SLC25A30: variants seen among roughly 807,000 people sequenced by gnomAD.
SLC25A30 encodes kidney mitochondrial carrier protein 1.
Under a neutral mutation model 42.7 loss-of-function variants are expected in SLC25A30, and 29 were observed. That is an observed-to-expected ratio of 0.68 (90% CI 0.51 to 0.93). The LOEUF (loss-of-function observed/expected upper bound fraction) is 0.93. Among genes scored for constraint, SLC25A30 ranks in the 40% least tolerant of loss-of-function variants. The probability of loss-of-function intolerance (pLI) is 0.00; values close to 1 mark genes in which losing one functional copy is unlikely to be tolerated. For missense variants in SLC25A30, 300 were observed against 359.7 expected (o/e 0.83, Z 1.34); for synonymous variants, 124 against 131.0 (o/e 0.95, Z 0.37).
At chr13:45,423,139 A>T (rs918541017), upstream of SLC25A30, among the ~76,000 whole-genome samples, 1 of 152,064 alleles carries the variant, frequency 6.6e-6, no homozygotes, top group African/African-American at 2.4e-5. Context: ...GTCCCCAATA[A>T]ATATAAGCAC....
At chr13:45,429,446 A>G in the SLC25A30 span, among the ~76,000 whole-genome samples, 2 of 152,072 alleles carry the variant, frequency 1.3e-5, no homozygotes, top group Admixed American at 1.3e-4. Flanking sequence ...CTTCCCCAGA[A>G]CTAAGGAAGA....
At chr13:45,406,546 T>C (rs888231025) in intron 3 of SLC25A30, among the ~76,000 whole-genome samples, 1 of 152,146 alleles carries the variant, frequency 6.6e-6, no homozygotes, top group South Asian at 2.1e-4. Context: ...CTCCATCCGA[T>C]ATGCCTGTCC....
the SLC25A30 span, among the ~76,000 whole-genome samples, chr13:45,432,962 G>A: frequency 1.3e-5 from 2 of 150,342 alleles, no homozygotes; most frequent in African/African-American, 2.4e-5. Context: ...ACCTGAACCC[G>A]GGAAGGTTGA....
the SLC25A30 span, among the ~76,000 whole-genome samples, chr13:45,433,000 G>T: frequency 7.1e-6 from 1 of 140,848 alleles, no homozygotes; most frequent in South Asian, 2.2e-4. Context: ...TCGTGCCATT[G>T]CACCCCTGGG....
upstream of SLC25A30, among the ~76,000 whole-genome samples, chr13:45,419,692 G>T (rs1337508788): frequency 7.9e-5 from 12 of 151,554 alleles, no homozygotes; most frequent in Admixed American, 7.9e-4. Flanking sequence ...CATTTTGGGA[G>T]GCCGAGACGG....
intron 1 of SLC25A30, among the ~76,000 whole-genome samples, chr13:45,416,277 G>A (rs902244493): frequency 6.6e-6 from 1 of 151,668 alleles, no homozygotes; most frequent in Non-Finnish European, 1.5e-5. Flanking sequence ...GCATAGTGGT[G>A]GGCGCCTGTA....
Position 45,395,059 on chromosome 13 carries a change from C to T in SLC25A30, c.*915G>A, listed in dbSNP as rs1164404750. 1.0e-6 allele frequency: 1 copy of T among 985,344 alleles called. No homozygotes were observed. Among genetic ancestry groups the T allele is most frequent in the African/African-American group, 1.7e-5 (1 of 57,248 alleles). 61.0% of individuals were successfully genotyped at this position (985,344 alleles called of 1,614,324 possible). ...AGAACATGCCCCTCTTCTACATAGA[C>T]TGTTTAGAGCTGTTCCACAGCATGA... On this transcript the variant is annotated 3_prime_UTR_variant, in exon 10 of 10. Coordinates refer to ENST00000519676, the MANE Select transcript of SLC25A30 (RefSeq NM_001010875.4).
chr13:45,432,710 A>T, the SLC25A30 span, among the ~76,000 whole-genome samples: 1 of 141,820 alleles, frequency 7.1e-6, no homozygotes, highest in Non-Finnish European at 1.5e-5. Context: ...ATAGGACACT[A>T]AAAAAAAAAA....
chr13:45,402,726 G>C, intron 5 of SLC25A30: 1 of 964,632 alleles, frequency 1.0e-6, no homozygotes, highest in Non-Finnish European at 1.2e-6. Context: ...AATTTCAAAG[G>C]TTTAATCTAA....
chr13:45,407,884 T>C (rs1188642418), intron 3 of SLC25A30, among the ~76,000 whole-genome samples: 1 of 152,218 alleles, frequency 6.6e-6, no homozygotes, highest in African/African-American at 2.4e-5. Flanking sequence ...CTATCAGTCC[T>C]ACACCCTAAA....
chr13:45,423,149 C>G (rs1883932684), upstream of SLC25A30, among the ~76,000 whole-genome samples: 1 of 152,058 alleles, frequency 6.6e-6, no homozygotes, highest in South Asian at 2.1e-4. Context: ...AATATAAGCA[C>G]ATTTGGAGAG....
At chr13:45,400,014 T>TATATATATA (rs1881772424) in intron 7 of SLC25A30, among the ~76,000 whole-genome samples, 2 of 88,840 alleles carry the variant, frequency 2.3e-5, no homozygotes, top group South Asian at 3.4e-4. Flanking sequence ...TTATGTATGA[T>TATATATATA]TATATATATA....
the SLC25A30 span, among the ~76,000 whole-genome samples, chr13:45,425,467 T>G: frequency 1.0e-5 from 1 of 99,462 alleles, no homozygotes; most frequent in East Asian, 2.3e-4. Context: ...TATATATAAA[T>G]ATATATAAGC....
intron 4 of SLC25A30, 149 bp downstream of exon 4, chr13:45,405,734 A>G: frequency 1.6e-6 from 1 of 620,634 alleles, no homozygotes. Context: ...ACTTGCTTTC[A>G]GCACAATTAA....
chr13:45,401,657 C>T (rs1881990139), intron 6 of SLC25A30, among the ~76,000 whole-genome samples: 1 of 151,442 alleles, frequency 6.6e-6, no homozygotes, highest in African/African-American at 2.4e-5. Flanking sequence ...AAATCCTTCT[C>T]CATAAGAATT....
chr13:45,406,604 G>A (rs985733246), intron 3 of SLC25A30, among the ~76,000 whole-genome samples: 2 of 152,036 alleles, frequency 1.3e-5, no homozygotes, highest in South Asian at 2.1e-4. Flanking sequence ...GACACTCCCC[G>A]GGTGTCTTTC....
chr13:45,394,390 CA>C lies in SLC25A30; in HGVS notation c.*1583del. ...TGCGAGGAAAAATTATCTCATCCTCCAAAAAAACCTGCAGTCCTTCTATTCA... is the reference window on the plus strand; with the variant it reads ...TGCGAGGAAAAATTATCTCATCCTCCAAAAAACCTGCAGTCCTTCTATTCA... On this transcript the variant is annotated 3_prime_UTR_variant, in exon 10 of 10. Transcript: ENST00000519676. The C allele has an allele frequency of 5.1e-6, 5 of 985,240 alleles. No individual in the cohort carries two copies. Among genetic ancestry groups the C allele is most frequent in the Non-Finnish European group, 6.0e-6 (5 of 829,900 alleles). The allele number at this position is 985,240 out of a possible 1,614,324, so 61.0% of individuals were successfully genotyped here.
intron 1 of SLC25A30, 105 bp from the exon 2 acceptor site, chr13:45,411,585 C>G (rs1883034866): frequency 1.5e-6 from 1 of 685,556 alleles, no homozygotes; most frequent in African/African-American, 1.8e-5. Context: ...ATCACCAAAA[C>G]CCCTGCAGCA....
rs1883025151 is a variant in SLC25A30 at position 45,411,481 on chromosome 13, C to T, written c.-55-1G>A. The stretch of plus-strand genomic sequence containing the variant: ...AACATTGCCTCCAGTGCTGTTTTTC[C>T]TGGACACAACAATAAGATATTATCA... On this transcript the variant is annotated splice_acceptor_variant, in intron 1 of 9. Coordinates refer to ENST00000519676, the MANE Select transcript of SLC25A30 (RefSeq NM_001010875.4). LOFTEE classifies it low-confidence loss of function (5UTR_SPLICE). The T allele has an allele frequency of 1.3e-6, 2 of 1,538,208 alleles. No homozygotes were observed. The highest frequency in any genetic ancestry group is 3.4e-5 in the Admixed American group (2 of 59,036).
Sources: allele counts gnomAD v4.1 joint callset (sites outside exome capture counted in the v4.1 genomes callset), GRCh38; gene constraint gnomAD v4.1.1; transcripts MANE v1.5; gene names NCBI Gene and HGNC (gene_info 2026-07-23, HGNC 2026-07-21).